FRMPD1: variants seen among roughly 807,000 people sequenced by gnomAD.
FRMPD1 encodes the protein FERM and PDZ domain-containing protein 1.
Under a neutral mutation model 117.8 loss-of-function variants are expected in FRMPD1, and 76 were observed. The ratio of observed to expected loss-of-function variants is 0.65; its 90% CI spans 0.54 to 0.78. The LOEUF (loss-of-function observed/expected upper bound fraction) is 0.78. Among genes scored for constraint, FRMPD1 ranks in the 30% least tolerant of loss-of-function variants. The pLI is 0.00. For synonymous variants in FRMPD1, 783 were observed against 770.4 expected (o/e 1.02, Z -0.27); for missense variants, 1,786 against 1,964.5 (o/e 0.91, Z 1.72).
At chr9:37,648,069 G>T (rs7863578), upstream of FRMPD1, among the ~76,000 whole-genome samples, 38,105 of 151,930 alleles carry the variant, frequency 0.25, 5,118 homozygotes, top group African/African-American at 0.32. Flanking sequence ...AATAGTGCTG[G>T]CTAGCAAGTA....
chr9:37,622,518 T>C, the FRMPD1 span, among the ~76,000 whole-genome samples: 1 of 152,214 alleles, frequency 6.6e-6, no homozygotes, highest in Non-Finnish European at 1.5e-5. Flanking sequence ...TTCTTCTTTT[T>C]CCCTGTCTAC....
intron 2 of FRMPD1, among the ~76,000 whole-genome samples, chr9:37,696,272 C>T (rs1383309169): frequency 6.6e-6 from 1 of 151,868 alleles, no homozygotes; most frequent in Non-Finnish European, 1.5e-5. Flanking sequence ...TTGTTTCCTC[C>T]AGGGTACTTA....
chr9:37,640,215 G>A, the FRMPD1 span, among the ~76,000 whole-genome samples: 2 of 152,332 alleles, frequency 1.3e-5, no homozygotes, highest in South Asian at 4.1e-4. Flanking sequence ...TCAAGGTGGT[G>A]CGTGTTAAGG....
At chr9:37,637,963 G>GCTTT in the FRMPD1 span, among the ~76,000 whole-genome samples, 10,897 of 99,748 alleles carry the variant, frequency 0.11, 1,319 homozygotes, top group South Asian at 0.13. Context: ...AATGGTGTAT[G>GCTTT]CTTTCTTTCT....
In FRMPD1 at chr9:37,735,540, C is replaced by T. The variant is rs934542348; in HGVS notation, c.1219-12C>T. 6 of 1,601,650 alleles carry T rather than the reference C, an allele frequency of 3.7e-6. No homozygotes were observed. The highest frequency in any genetic ancestry group is 3.3e-5 in the Admixed American group (2 of 59,798). ...TGCGAATGGAGACTAATTCCCCTTC[C>T]ACCCTCTGCAGTTACAGGATAGAGA... is the stretch of plus-strand genomic sequence containing the variant. On this transcript the variant is annotated splice_polypyrimidine_tract_variant and intron_variant, in intron 12 of 15. Coordinates refer to ENST00000377765, the MANE Select transcript of FRMPD1 (RefSeq NM_014907.3).
At chr9:37,716,523 G>C (rs895992457) in intron 5 of FRMPD1, among the ~76,000 whole-genome samples, 1 of 152,206 alleles carries the variant, frequency 6.6e-6, no homozygotes, top group African/African-American at 2.4e-5. Context: ...CCTGCCAGTT[G>C]ATTTTCTTGA....
At chr9:37,662,256 G>A (rs1476116080) in intron 1 of FRMPD1, among the ~76,000 whole-genome samples, 1 of 152,126 alleles carries the variant, frequency 6.6e-6, no homozygotes, top group African/African-American at 2.4e-5. Context: ...TGCAATAACA[G>A]CATTAGTCTG....
At chr9:37,679,331 T>C (rs529555331) in intron 1 of FRMPD1, among the ~76,000 whole-genome samples, 1 of 152,238 alleles carries the variant, frequency 6.6e-6, no homozygotes, top group Non-Finnish European at 1.5e-5. Flanking sequence ...TTTCTTTTTC[T>C]CCTTTTATGG....
intron 1 of FRMPD1, among the ~76,000 whole-genome samples, chr9:37,655,407 A>C (rs528020324): frequency 5.7e-4 from 86 of 150,810 alleles, no homozygotes; most frequent in South Asian, 4.2e-3. Context: ...CTGTATGGAT[A>C]CTGAAGTCCC....
intron 1 of FRMPD1, among the ~76,000 whole-genome samples, chr9:37,659,714 G>T (rs1005839720): frequency 1.3e-5 from 2 of 151,914 alleles, no homozygotes; most frequent in African/African-American, 2.4e-5. Context: ...ATCAGGAAAT[G>T]CTCCTTGACA....
intron 2 of FRMPD1, among the ~76,000 whole-genome samples, chr9:37,705,271 T>C (rs1376383120): frequency 6.6e-6 from 1 of 152,212 alleles, no homozygotes; most frequent in Non-Finnish European, 1.5e-5. Flanking sequence ...TTGTCATTTT[T>C]CCTTCCCTGA....
At chr9:37,612,254 T>A in the FRMPD1 span, among the ~76,000 whole-genome samples, 4 of 152,142 alleles carry the variant, frequency 2.6e-5, no homozygotes, top group African/African-American at 9.7e-5. Flanking sequence ...TCTGTGGGAG[T>A]TCAGAACACT....
chr9:37,736,960 G>A, intron 13 of FRMPD1, 136 bp from the exon 14 acceptor site: 1 of 672,372 alleles, frequency 1.5e-6, no homozygotes. Flanking sequence ...TGAGGATATG[G>A]GGCACCAGGA....
At chr9:37,711,874 G>A (rs1013891531) in intron 5 of FRMPD1, among the ~76,000 whole-genome samples, 8 of 152,200 alleles carry the variant, frequency 5.3e-5, no homozygotes, top group African/African-American at 1.9e-4. Context: ...CATAGATGAT[G>A]CACAGGGAGG....
At chr9:37,690,439 A>T (rs1011415921) in intron 1 of FRMPD1, among the ~76,000 whole-genome samples, 21 of 151,940 alleles carry the variant, frequency 1.4e-4, no homozygotes, top group Admixed American at 5.9e-4. Context: ...TTTCTTCTGA[A>T]TTTTTCTGTT....
chr9:37,612,418 G>A, the FRMPD1 span, among the ~76,000 whole-genome samples: 8 of 151,682 alleles, frequency 5.3e-5, no homozygotes, highest in African/African-American at 9.7e-5. Flanking sequence ...GCGTGATCTC[G>A]GCTCACTGCA....
rs753583905 is a variant in FRMPD1, at chr9:37,746,130, C to T, written c.4098C>T (p.Leu1366=). The change falls in exon 16 of 16, where the codon CTC becomes CTT. Residue 1366 remains leucine (L), a synonymous_variant. Coordinates refer to ENST00000377765, the MANE Select transcript of FRMPD1 (RefSeq NM_014907.3). The part of the protein sequence containing the change: ...RDLEAHPMAP[L]TSPPSAGSPV... ...TGGAAGCACACCCCATGGCCCCCCT[C>T]ACCTCACCGCCCTCTGCGGGAAGCC... 3 of 1,613,986 alleles carry T rather than the reference C, an allele frequency of 1.9e-6. No homozygotes were observed. Among genetic ancestry groups the T allele is most frequent in the Non-Finnish European group, 2.5e-6 (3 of 1,180,044 alleles).
At position 37,692,657 on chromosome 9, in the gene FRMPD1, A is replaced by C. The variant is rs3747539; in HGVS notation, c.16A>C (p.Thr6Pro). Residue 6 changes from threonine (T) to proline (P), a missense_variant, in exon 2 of 16, where the codon ACC becomes CCC. Physicochemically the swap from Thr to Pro is conservative, Grantham distance 38. Transcript: ENST00000377765. ...TTTTAGGTAAATGGAAGAGCTGGAG[A>C]CCAGTTTATTCCAGACACGGAAAGC... MEELE[T>P]SLFQTRKAHR... is the part of the protein sequence containing the mutation. 0.17 allele frequency: 266,765 copies of C among 1,608,762 alleles called. 22,767 individuals carry two copies. Among genetic ancestry groups the C allele is most frequent in the Middle Eastern group, 0.2 (1,204 of 6,056 alleles).
At chr9:37,642,371 C>T in the FRMPD1 span, among the ~76,000 whole-genome samples, 7 of 152,118 alleles carry the variant, frequency 4.6e-5, no homozygotes, top group African/African-American at 1.7e-4. Context: ...CCTGGAAGCT[C>T]TATCATCCCT....
Sources: allele counts gnomAD v4.1 joint callset (sites outside exome capture counted in the v4.1 genomes callset), GRCh38; gene constraint gnomAD v4.1.1; transcripts MANE v1.5; gene names NCBI Gene and HGNC (gene_info 2026-07-23, HGNC 2026-07-21).